The following MCTP2 variants were observed in gnomAD, a reference collection of about 807,000 sequenced individuals.
MCTP2 encodes multiple C2 and transmembrane domain-containing protein 2.
A neutral mutation model predicts 111.6 loss-of-function variants in MCTP2; 132 were observed. That is an observed-to-expected ratio of 1.18 (90% CI 1.03 to 1.37). The LOEUF (loss-of-function observed/expected upper bound fraction) is 1.37, where lower values mean the gene tolerates loss of function less well. Among genes scored for constraint, MCTP2 ranks in the 40% most tolerant of loss-of-function variants. MCTP2 has a pLI of 0.00. For missense variants in MCTP2, 1,183 were observed against 1,067.9 expected, an observed-to-expected ratio of 1.11 and a Z score of -1.50; for synonymous variants, 395 against 387.7, an observed-to-expected ratio of 1.02 and a Z score of -0.22.
intron 12 of MCTP2, among the ~76,000 whole-genome samples, chr15:94,380,826 A>G (rs953631093): frequency 2.0e-5 from 3 of 152,192 alleles, no homozygotes; most frequent in Non-Finnish European, 4.4e-5. Context: ...CACATTTATT[A>G]TTTGTCATTC....
chr15:94,457,256 C>T (rs2084891768), intron 19 of MCTP2, among the ~76,000 whole-genome samples: 1 of 152,142 alleles, frequency 6.6e-6, no homozygotes, highest in South Asian at 2.1e-4. Context: ...AACATAGCAT[C>T]AGAATATTAA....
intron 20 of MCTP2, among the ~76,000 whole-genome samples, chr15:94,460,149 G>T (rs1289997399): frequency 6.6e-6 from 1 of 152,184 alleles, no homozygotes; most frequent in Non-Finnish European, 1.5e-5. Flanking sequence ...AGCATTAGTG[G>T]TAGGGAGAGG....
intron 4 of MCTP2, among the ~76,000 whole-genome samples, chr15:94,316,174 T>C (rs1365507216): frequency 6.6e-6 from 1 of 152,226 alleles, no homozygotes; most frequent in Non-Finnish European, 1.5e-5. Flanking sequence ...GTCTTCAAAA[T>C]TGACCATGCT....
rs371499675 is a variant in MCTP2, at chr15:94,356,275, C to A, written c.1144C>A (p.Leu382Met). ...GACAGAGATGTTTGTCCAGTTAAAA[C>A]TGGGAGATCAGAGGTATAAAAGTAA... ...SMTEMFVQLKLGDQRYKSKTL... is the reference protein window; with the variant it reads ...SMTEMFVQLKMGDQRYKSKTL... The change falls in exon 9 of 23, where the codon CTG becomes ATG. Residue 382 changes from leucine to methionine, a missense_variant. Leu to Met is a conservative substitution (Grantham distance 15). Coordinates refer to ENST00000357742, the MANE Select transcript of MCTP2 (RefSeq NM_001385001.1). 2 of 1,610,340 alleles carry A rather than the reference C, an allele frequency of 1.2e-6. No homozygotes were observed. The highest frequency in any genetic ancestry group is 4.5e-5 in the East Asian group (2 of 44,658).
At chr15:94,369,542 A>G (rs2079375259) in intron 11 of MCTP2, among the ~76,000 whole-genome samples, 1 of 152,226 alleles carries the variant, frequency 6.6e-6, no homozygotes, top group South Asian at 2.1e-4. Context: ...ATATGAATCT[A>G]GGGTGGTACT....
At chr15:94,404,961 A>T (rs1308227031) in intron 17 of MCTP2, among the ~76,000 whole-genome samples, 1 of 152,142 alleles carries the variant, frequency 6.6e-6, no homozygotes, top group Non-Finnish European at 1.5e-5. Flanking sequence ...TTTATTCGTC[A>T]TTGTGACACT....
intron 4 of MCTP2, among the ~76,000 whole-genome samples, chr15:94,337,619 G>C (rs142660285): frequency 6.6e-6 from 1 of 151,852 alleles, no homozygotes; most frequent in Non-Finnish European, 1.5e-5. Context: ...CTGAATGGCT[G>C]TGAATGCATT....
chr15:94,346,098 T>C (rs1017437396), intron 8 of MCTP2, among the ~76,000 whole-genome samples: 2 of 152,078 alleles, frequency 1.3e-5, no homozygotes, highest in African/African-American at 4.8e-5. Context: ...CACTGCCAGC[T>C]CAAAGACTGG....
intron 1 of MCTP2, among the ~76,000 whole-genome samples, chr15:94,258,483 G>C (rs2072983238): frequency 6.6e-6 from 1 of 152,160 alleles, no homozygotes; most frequent in African/African-American, 2.4e-5. Context: ...AAAGGAAGTG[G>C]TGCATGCATG....
intron 14 of MCTP2, among the ~76,000 whole-genome samples, chr15:94,391,120 A>G (rs1037887929): frequency 6.6e-6 from 1 of 151,980 alleles, no homozygotes. Context: ...ATGGGTCTTT[A>G]TACTGTCCTT....
chr15:94,256,713 G>A (rs1315413113), intron 1 of MCTP2, among the ~76,000 whole-genome samples: 2 of 152,168 alleles, frequency 1.3e-5, no homozygotes, highest in African/African-American at 4.8e-5. Context: ...TTTCCTGAGT[G>A]GACCCAACAG....
intron 17 of MCTP2, among the ~76,000 whole-genome samples, chr15:94,406,290 CAG>C (rs2081891686): frequency 6.6e-6 from 1 of 152,066 alleles, no homozygotes; most frequent in Non-Finnish European, 1.5e-5. Context: ...AGTACAGTGA[CAG>C]AGCTCATGTG....
Position 94,343,903 on chromosome 15 carries a change from C to T in MCTP2, c.970-1226C>T, listed in dbSNP as rs2077806498. 1.3e-5 allele frequency: 2 copies of T among 152,066 alleles called. 1 individual carries two copies. Among genetic ancestry groups the T allele is most frequent in the South Asian group, 4.1e-4 (2 of 4,830 alleles). The allele number at this position is 152,066 out of a possible 1,614,324, so 9.4% of individuals were successfully genotyped here. A position where few individuals can be genotyped will look rare whatever the true frequency, so the allele number is the denominator to read the frequency against. On this transcript the variant is annotated intron_variant, in intron 7 of 22. Coordinates refer to ENST00000357742, the MANE Select transcript of MCTP2 (RefSeq NM_001385001.1). ...GGAAGTGAATAGTAATAGTCATTTT[C>T]CATTAATTTATTTACATGCTTTATC...
intron 2 of MCTP2, among the ~76,000 whole-genome samples, chr15:94,313,618 T>C (rs1275498290): frequency 1.3e-5 from 2 of 152,008 alleles, no homozygotes; most frequent in East Asian, 3.9e-4. Flanking sequence ...GGAGAATCAC[T>C]TGAACTCAGG....
At chr15:94,355,933 A>G (rs1301657962) in intron 8 of MCTP2, 5 of 1,189,802 alleles carry the variant, frequency 4.2e-6, no homozygotes, top group Admixed American at 4.3e-5. Flanking sequence ...ATCCTTCACT[A>G]TATTATTACC....
intron 17 of MCTP2, among the ~76,000 whole-genome samples, chr15:94,405,842 C>A (rs1215927838): frequency 6.6e-6 from 1 of 151,998 alleles, no homozygotes; most frequent in Admixed American, 6.6e-5. Flanking sequence ...GGTATCTTGC[C>A]TTTTCTAAGG....
At chr15:94,430,785 G>C (rs1234323880) in intron 17 of MCTP2, among the ~76,000 whole-genome samples, 16 of 151,610 alleles carry the variant, frequency 1.1e-4, no homozygotes, top group Non-Finnish European at 1.6e-4. Context: ...ACAAAACACT[G>C]GAAGAAGGCA....
intron 2 of MCTP2, among the ~76,000 whole-genome samples, chr15:94,309,104 G>A (rs570684065): frequency 1.3e-5 from 2 of 152,212 alleles, no homozygotes; most frequent in South Asian, 2.1e-4. Context: ...AGACTTGGCC[G>A]TTTAGTAGGC....
intron 7 of MCTP2, chr15:94,343,649 G>A (rs145429643): frequency 5.1e-4 from 78 of 152,288 alleles, no homozygotes; most frequent in African/African-American, 1.8e-3. Context: ...AAAAATAGTA[G>A]CTAAAATTAG....
Sources: allele counts gnomAD v4.1 joint callset (sites outside exome capture counted in the v4.1 genomes callset), GRCh38; gene constraint gnomAD v4.1.1; transcripts MANE v1.5; gene names NCBI Gene and HGNC (gene_info 2026-07-23, HGNC 2026-07-21).